Variants in TTC28 observed in about 807,000 individuals in gnomAD.
TTC28 encodes tetratricopeptide repeat protein 28.
A neutral mutation model predicts 198.0 loss-of-function variants in TTC28; 61 were observed. The observed-to-expected ratio is 0.31, with a 90% confidence interval of 0.25 to 0.38. TTC28 has a LOEUF of 0.38. TTC28 is among the 10% of genes least tolerant of loss of function. The probability of loss-of-function intolerance (pLI) is 1.00; values close to 1 mark genes in which losing one functional copy is unlikely to be tolerated. For missense variants in TTC28, 2,678 were observed against 3,164.0 expected, an observed-to-expected ratio of 0.85 and a Z score of 3.69; for synonymous variants, 1,171 against 1,297.8, an observed-to-expected ratio of 0.90 and a Z score of 2.10.
Position 28,107,432 on chromosome 22 carries a change from T to G in TTC28, c.2413A>C (p.Met805Leu), listed in dbSNP as rs182800196. The change falls in exon 7 of 23, where the codon ATG (methionine) becomes CTG (leucine). Residue 805 changes from methionine to leucine, a missense_variant. Coordinates refer to ENST00000397906, the MANE Select transcript of TTC28 (RefSeq NM_001145418.2). ...GCCATTGTGTATTTCCCAAGGGCCA[T>G]GTAGACAGCAGCCAGGTGCCCATGA... is the stretch of plus-strand genomic sequence containing the variant. Reference protein sequence around the residue: ...RAHGHLAAVYMALGKYTMAFK... With the variant: ...RAHGHLAAVYLALGKYTMAFK... 16 of 1,551,766 alleles carry G rather than the reference T, an allele frequency of 1.0e-5. No homozygotes were observed. The East Asian group carries it at 2.2e-4, about 21-fold the overall frequency.
At chr22:28,408,711 A>G (rs920894574) in intron 2 of TTC28, among the ~76,000 whole-genome samples, 7 of 152,196 alleles carry the variant, frequency 4.6e-5, no homozygotes, top group Non-Finnish European at 7.3e-5. Context: ...TTAAAACTCA[A>G]TCTTAAGCCA....
At chr22:28,211,844 T>C (rs372328506) in intron 5 of TTC28, among the ~76,000 whole-genome samples, 161 of 152,156 alleles carry the variant, frequency 1.1e-3, no homozygotes, top group African/African-American at 3.4e-3. Context: ...CTCAGCACCA[T>C]ATCGCACTTA....
At chr22:28,306,435 G>A (rs2145809231) in intron 3 of TTC28, 61 bp downstream of exon 3, 2 of 1,503,106 alleles carry the variant, frequency 1.3e-6, no homozygotes, top group South Asian at 1.3e-5. Flanking sequence ...CTAAAGTCTT[G>A]GAAGGCTAGA....
At position 28,016,628 on chromosome 22, in the gene TTC28, C is replaced by A. The variant is rs557167711; in HGVS notation, c.4074-2236G>T. On this transcript the variant is annotated intron_variant, in intron 13 of 22. Transcript: ENST00000397906. ...GGGGGTGACCAGGGGGAGTGCCATGCCCCCAGACAGTGCTGTGGCCCAAGG... is the reference window on the plus strand; with the variant it reads ...GGGGGTGACCAGGGGGAGTGCCATGACCCCAGACAGTGCTGTGGCCCAAGG... Among the ~76,000 whole-genome samples, 62 of 152,298 alleles carry A rather than the reference C, an allele frequency of 4.1e-4. No individual in the cohort carries two copies. In the South Asian group the frequency reaches 0.011, roughly 27 times the overall value.
chr22:28,633,032 C>A (rs2051204599), intron 1 of TTC28, among the ~76,000 whole-genome samples: 2 of 151,862 alleles, frequency 1.3e-5, no homozygotes, highest in East Asian at 3.9e-4. Flanking sequence ...GTAATCCCAG[C>A]ACTTTGGGAG....
At chr22:28,385,222 C>A (rs2046559655) in intron 2 of TTC28, among the ~76,000 whole-genome samples, 2 of 149,732 alleles carry the variant, frequency 1.3e-5, no homozygotes, top group Admixed American at 6.6e-5. Context: ...AAATTATTTG[C>A]AATTTTCTTT....
chr22:28,065,088 C>G (rs1224849280), intron 12 of TTC28, among the ~76,000 whole-genome samples: 1 of 152,194 alleles, frequency 6.6e-6, no homozygotes, highest in Non-Finnish European at 1.5e-5. Context: ...GGTATTCCAC[C>G]CAGGCCACAC....
chr22:28,567,088 G>A lies in TTC28; in HGVS notation c.381+62464C>T, dbSNP rs565587316. ...AAATTAGCCGGGCATGGTGGCGGAC[G>A]CCTGTAATCCCAGCTACTTGGGAGG... On this transcript the variant is annotated intron_variant, in intron 2 of 22. Transcript: ENST00000397906. 1.3e-4 allele frequency among the ~76,000 whole-genome samples: 20 copies of A among 152,054 alleles called. 1 individual carries two copies. The South Asian group carries it at 3.5e-3, about 27-fold the overall frequency.
At chr22:28,114,578 GA>G (rs1372230288) in intron 6 of TTC28, among the ~76,000 whole-genome samples, 19 of 148,246 alleles carry the variant, frequency 1.3e-4, no homozygotes, top group Non-Finnish European at 2.2e-4. Context: ...CAAAGGTATA[GA>G]TTTTTTTTTT....
intron 2 of TTC28, among the ~76,000 whole-genome samples, chr22:28,527,097 T>C (rs1568999752): frequency 6.6e-6 from 1 of 152,102 alleles, no homozygotes; most frequent in Non-Finnish European, 1.5e-5. Context: ...GAATCAGTAG[T>C]GTAAATATGA....
At position 28,491,125 on chromosome 22, in the gene TTC28, A is replaced by G. The variant is rs548589562; in HGVS notation, c.381+138427T>C. 1.9e-4 allele frequency among the ~76,000 whole-genome samples: 29 copies of G among 152,228 alleles called. 1 individual carries two copies. In the South Asian group the frequency reaches 6.0e-3, roughly 32 times the overall value. ...TTGTCCACCTGCTTCTCTCCATCCC[A>G]TCTCTTTCCCTCTCTTCCTCTTCTT... On this transcript the variant is annotated intron_variant, in intron 2 of 22. Transcript: ENST00000397906.
intron 6 of TTC28, among the ~76,000 whole-genome samples, chr22:28,119,848 A>T (rs2146936011): frequency 6.6e-6 from 1 of 152,346 alleles, no homozygotes; most frequent in South Asian, 2.1e-4. Flanking sequence ...AAAATAAATC[A>T]TCAAAGCTAA....
Position 28,629,651 on chromosome 22 carries a change from T to G in TTC28, c.282A>C (p.Leu94Phe), listed in dbSNP as rs1459958487. The change falls in exon 2 of 23, where the codon TTA becomes TTC. Residue 94 changes from leucine (L) to phenylalanine (F), a missense_variant. This residue lies in a region of TTC28 where 176 missense variants were observed against 197.9 expected (regional missense o/e 0.89). Coordinates refer to ENST00000397906, the MANE Select transcript of TTC28 (RefSeq NM_001145418.2). ...TGTAGGCTGCAGATCTATTGCTGTA[T>G]AAGATGCAGTTCTGAGGGTCAACAG... ...ALAVDPQNCILYSNRSAAYMK... is the reference protein window; with the variant it reads ...ALAVDPQNCIFYSNRSAAYMK... 6.4e-7 allele frequency: 1 copy of G among 1,551,572 alleles called. No homozygotes were observed. The highest frequency in any genetic ancestry group is 8.7e-7 in the Non-Finnish European group (1 of 1,147,002).
At chr22:28,419,703 C>A (rs1235327109) in intron 2 of TTC28, among the ~76,000 whole-genome samples, 2 of 152,180 alleles carry the variant, frequency 1.3e-5, no homozygotes, top group Non-Finnish European at 2.9e-5. Context: ...TATGAGCAAA[C>A]TGATCATGAC....
At chr22:28,182,711 T>C (rs1279408686) in intron 5 of TTC28, among the ~76,000 whole-genome samples, 3 of 152,182 alleles carry the variant, frequency 2.0e-5, no homozygotes, top group Non-Finnish European at 4.4e-5. Flanking sequence ...CAGGAACAAA[T>C]GTCCCCCAGT....
At chr22:28,235,433 A>C (rs1418789148) in intron 5 of TTC28, among the ~76,000 whole-genome samples, 1 of 152,218 alleles carries the variant, frequency 6.6e-6, no homozygotes, top group Non-Finnish European at 1.5e-5. Context: ...CTAATATTCA[A>C]GGTAAAACAC....
intron 12 of TTC28, among the ~76,000 whole-genome samples, chr22:28,043,779 T>C (rs1361553943): frequency 6.6e-6 from 1 of 152,140 alleles, no homozygotes; most frequent in Non-Finnish European, 1.5e-5. Flanking sequence ...CTCAGGGACC[T>C]GTGTGTCCTT....
At chr22:28,482,205 G>GTTTTTTT (rs1568971764) in intron 2 of TTC28, among the ~76,000 whole-genome samples, 1 of 102,762 alleles carries the variant, frequency 9.7e-6, no homozygotes, top group African/African-American at 3.4e-5. Context: ...GTAATGGGCA[G>GTTTTTTT]TCTTTTTTTT....
At chr22:28,392,843 C>G (rs1450162260) in intron 2 of TTC28, among the ~76,000 whole-genome samples, 2 of 146,798 alleles carry the variant, frequency 1.4e-5, no homozygotes, top group Non-Finnish European at 3.0e-5. Flanking sequence ...GGAGCTGCTC[C>G]TATTCGGCCA....
Sources: gnomAD v4.1 joint callset for allele counts (sites outside exome capture counted in the v4.1 genomes callset) on GRCh38, gnomAD v4.1.1 for gene constraint, gnomAD v4.1.1 regional missense constraint, MANE v1.5 for transcripts, NCBI Gene and HGNC (gene_info 2026-07-23, HGNC 2026-07-21) for gene names.